The following GALNS variants were observed in gnomAD, a reference collection of about 807,000 sequenced individuals.
The protein encoded by GALNS is N-acetylgalactosamine-6-sulfatase.
GALNS carries 65 observed loss-of-function variants against 65.9 expected under a neutral mutation model. The ratio of observed to expected loss-of-function variants is 0.99; its 90% CI spans 0.81 to 1.21. The LOEUF (loss-of-function observed/expected upper bound fraction) is 1.21. Among genes scored for constraint, GALNS ranks in the 50% most tolerant of loss-of-function variants. The pLI is 0.00. For missense variants in GALNS, 776 were observed against 700.7 expected (o/e 1.11, Z -1.21); for synonymous variants, 346 against 288.9 (o/e 1.20, Z -2.00).
At chr16:88,840,751 G>A (rs545244013) in intron 4 of GALNS, 37 of 554,636 alleles carry the variant, frequency 6.7e-5, no homozygotes, top group Non-Finnish European at 9.5e-5. Context: ...ACAGGCCTGC[G>A]GAGTCTGATG....
At chr16:88,839,773 T>C (rs1966883563) in intron 4 of GALNS, among the ~76,000 whole-genome samples, 1 of 152,218 alleles carries the variant, frequency 6.6e-6, no homozygotes, top group African/African-American at 2.4e-5. Flanking sequence ...CTCTCTCCCG[T>C]CGACAGCTGT....
At chr16:88,828,807 G>A (rs1398846815) in intron 9 of GALNS, among the ~76,000 whole-genome samples, 2 of 152,214 alleles carry the variant, frequency 1.3e-5, no homozygotes, top group Non-Finnish European at 2.9e-5. Context: ...GCGCTGGGGT[G>A]GCTCCCCTCA....
At chr16:88,820,317 T>A (rs1184541908) in intron 12 of GALNS, among the ~76,000 whole-genome samples, 1 of 151,762 alleles carries the variant, frequency 6.6e-6, no homozygotes, top group African/African-American at 2.4e-5. Context: ...TTGGTAGAGA[T>A]GGGATTTCAC....
chr16:88,855,962 T>C, intron 1 of GALNS: 1 of 582,164 alleles, frequency 1.7e-6, no homozygotes, highest in Non-Finnish European at 3.1e-6. Context: ...CCCCCAGGTG[T>C]GGCAGCTGAG....
At chr16:88,815,848 T>A (rs887295586) in intron 13 of GALNS, 1 of 955,294 alleles carries the variant, frequency 1.0e-6, no homozygotes, top group Non-Finnish European at 1.2e-6. Context: ...GCAGGGTGTG[T>A]TTGAGTCTGG....
chr16:88,821,697 T>A (rs536671497), intron 12 of GALNS, among the ~76,000 whole-genome samples: 4 of 152,310 alleles, frequency 2.6e-5, no homozygotes, highest in African/African-American at 9.6e-5. Flanking sequence ...GGTCCTGTAC[T>A]GCTCTCTGCT....
Position 88,826,738 on chromosome 16 carries a change from A to T in GALNS, c.1103T>A (p.Leu368His). The change falls in exon 10 of 14, where the codon CTC becomes CAC. Residue 368 changes from leucine to histidine, a missense_variant. Leu to His is a moderately conservative substitution (Grantham distance 99). Coordinates refer to ENST00000268695, the MANE Select transcript of GALNS (RefSeq NM_000512.5). Reference protein sequence around the residue: ...PSDRAIDGLNLLPTLLQGRLM... With the variant: ...PSDRAIDGLNHLPTLLQGRLM... ...CCGGCCCTGCAGGAGGGTGGGGAGG[A>T]GGTTGAGGCCATCAATGGCCCTGTC... 1 of 1,612,310 alleles carries T rather than the reference A, an allele frequency of 6.2e-7. No homozygotes were observed. Among genetic ancestry groups the T allele is most frequent in the Non-Finnish European group, 8.5e-7 (1 of 1,179,706 alleles).
chr16:88,855,685 ATTAT>A, intron 1 of GALNS: 2 of 595,566 alleles, frequency 3.4e-6, no homozygotes, highest in Non-Finnish European at 3.0e-6. Context: ...GATATTTTAC[ATTAT>A]TTTTCTTTCA....
At chr16:88,831,805 C>T (rs539910140) in intron 9 of GALNS, among the ~76,000 whole-genome samples, 193 bp downstream of exon 9, 18 of 130,890 alleles carry the variant, frequency 1.4e-4, no homozygotes, top group South Asian at 1.0e-3. Flanking sequence ...AGGCCGAGCA[C>T]GGGGAGCGTG....
Position 88,826,683 on chromosome 16 carries a change from G to A in GALNS, c.1139+19C>T, listed in dbSNP as rs777834560. The stretch of plus-strand genomic sequence containing the variant: ...CTACTTGGATCGGGGGAAGGGGCCG[G>A]GGCAGGTCTAGCACCAACCTGTCCA... On this transcript the variant is annotated intron_variant, in intron 10 of 13. Coordinates refer to ENST00000268695, the MANE Select transcript of GALNS (RefSeq NM_000512.5). 51 of 1,608,020 alleles carry A rather than the reference G, an allele frequency of 3.2e-5. No individual in the cohort carries two copies. Among genetic ancestry groups the A allele is most frequent in the Non-Finnish European group, 4.1e-5 (48 of 1,176,212 alleles).
chr16:88,831,863 C>T (rs1911535888), intron 9 of GALNS, 135 bp downstream of exon 9: 3 of 745,108 alleles, frequency 4.0e-6, no homozygotes, highest in African/African-American at 1.7e-5. Flanking sequence ...AGGCTGAGCA[C>T]AGGGTGCGTG....
At position 88,856,776 on chromosome 16, in the gene GALNS, C is replaced by T. The variant is rs748866414; in HGVS notation, c.102G>A (p.Leu34=). 5 of 1,545,338 alleles carry T rather than the reference C, an allele frequency of 3.2e-6. No homozygotes were observed. In the African/African-American group the frequency reaches 5.6e-5, roughly 17 times the overall value. The change falls in exon 1 of 14, where the codon CTG becomes CTA. Residue 34 remains leucine, a synonymous_variant. Transcript: ENST00000268695. ...CACTCACGTCGTCCATGAGCAGGAG[C>T]AGGATGTTGGGGGGCTGCGGGGCGC... ...ASGAPQPPNI[L]LLLMDDMGWG...
intron 1 of GALNS, among the ~76,000 whole-genome samples, chr16:88,848,394 G>A (rs898478071): frequency 3.9e-5 from 6 of 152,192 alleles, no homozygotes; most frequent in African/African-American, 1.2e-4. Flanking sequence ...ACTTTGGGAG[G>A]CCGAGGCAGG....
rs1911014284 is a variant in GALNS, at chr16:88,827,131, C to T, written c.1003-293G>A. ...ATCACAGCCCTCCCAGGGAGATGCC[C>T]CTCCAGGCCCACCTGTCCGGAGAGG... On this transcript the variant is annotated intron_variant, in intron 9 of 13. Coordinates refer to ENST00000268695, the MANE Select transcript of GALNS (RefSeq NM_000512.5). 2.2e-5 allele frequency: 12 copies of T among 538,826 alleles called. No individual in the cohort carries two copies. In the South Asian group the frequency reaches 2.4e-4, roughly 11 times the overall value. 33.4% of individuals were successfully genotyped at this position (538,826 alleles called of 1,614,324 possible). A position where few individuals can be genotyped will look rare whatever the true frequency, so the allele number is the denominator to read the frequency against.
chr16:88,814,636 C>T, intron 13 of GALNS, 111 bp from the exon 14 acceptor site: 1 of 1,521,206 alleles, frequency 6.6e-7, no homozygotes, highest in African/African-American at 1.4e-5. Flanking sequence ...CTCTGTCACC[C>T]AGGCTGGAGT....
At chr16:88,853,122 G>A (rs949107406) in intron 1 of GALNS, among the ~76,000 whole-genome samples, 3 of 151,606 alleles carry the variant, frequency 2.0e-5, no homozygotes, top group Admixed American at 6.6e-5. Flanking sequence ...ACGGTGGTGG[G>A]AGCCTGTAGT....
chr16:88,849,172 T>C (rs1316886913), intron 1 of GALNS, among the ~76,000 whole-genome samples: 2 of 152,232 alleles, frequency 1.3e-5, no homozygotes, highest in Admixed American at 6.5e-5. Context: ...TGAAGTACAG[T>C]GGCGCGATCT....
chr16:88,828,848 C>A (rs765542156), intron 9 of GALNS, among the ~76,000 whole-genome samples: 4 of 152,198 alleles, frequency 2.6e-5, no homozygotes, highest in African/African-American at 9.7e-5. Flanking sequence ...AGCACAGCCA[C>A]GGGTGGCTCC....
In GALNS at chr16:88,842,821, C is replaced by G; in HGVS notation, c.129G>C (p.Trp43Cys). 1 of 1,613,396 alleles carries G rather than the reference C, an allele frequency of 6.2e-7. No homozygotes were observed. The highest frequency in any genetic ancestry group is 8.5e-7 in the Non-Finnish European group (1 of 1,179,976). ...GCTCTCCATACACCCCGAGGTCACCCCATCCCATCTGCAGGGAAGAGCACG... is the reference window on the plus strand; with the variant it reads ...GCTCTCCATACACCCCGAGGTCACCGCATCCCATCTGCAGGGAAGAGCACG... ...ILLLLMDDMGWGDLGVYGEPS... is the reference protein window; with the variant it reads ...ILLLLMDDMGCGDLGVYGEPS... Residue 43 changes from tryptophan to cysteine, a missense_variant, in exon 2 of 14, where the codon TGG (tryptophan) becomes TGC (cysteine). Physicochemically the swap from Trp to Cys is radical, Grantham distance 215. Transcript: ENST00000268695.
Sources: allele counts gnomAD v4.1 joint callset (sites outside exome capture counted in the v4.1 genomes callset), GRCh38; gene constraint gnomAD v4.1.1; transcripts MANE v1.5; gene names NCBI Gene and HGNC (gene_info 2026-07-23, HGNC 2026-07-21).